Variants in CTNNA3 observed in about 807,000 individuals in gnomAD.
CTNNA3 encodes catenin alpha-3.
In CTNNA3, 76 loss-of-function variants were observed where a neutral mutation model predicts 95.7. The ratio of observed to expected loss-of-function variants is 0.79; its 90% CI spans 0.66 to 0.96. The LOEUF (loss-of-function observed/expected upper bound fraction) is 0.96. CTNNA3 is among the 40% of genes least tolerant of loss of function. CTNNA3 has a pLI of 0.00. For synonymous variants in CTNNA3, 431 were observed against 374.4 expected (o/e 1.15, Z -1.74); for missense variants, 1,191 against 1,089.8 (o/e 1.09, Z -1.31).
chr10:66,197,200 A>G (rs981628122), intron 13 of CTNNA3, among the ~76,000 whole-genome samples: 6 of 140,428 alleles, frequency 4.3e-5, no homozygotes, highest in African/African-American at 1.7e-4. Context: ...AGAATTTCTA[A>G]ATATTGGCTT....
At position 66,554,068 on chromosome 10, in the gene CTNNA3, AT is replaced by A. The variant is rs1451333688; in HGVS notation, c.1375-33296del. ...TTCTTCTGTCTGAAAACACTTCACAATTTTCCTTTGTGCTTGTCTCCTGGTG... is the reference window on the plus strand; with the variant it reads ...TTCTTCTGTCTGAAAACACTTCACAATTTCCTTTGTGCTTGTCTCCTGGTG... On this transcript the variant is annotated intron_variant, in intron 10 of 17. Coordinates refer to ENST00000433211, the MANE Select transcript of CTNNA3 (RefSeq NM_013266.4). Among the ~76,000 whole-genome samples the A allele has an allele frequency of 4.0e-5, 6 of 150,030 alleles. 1 individual carries two copies. The highest frequency in any genetic ancestry group is 8.9e-5 in the Non-Finnish European group (6 of 67,314).
chr10:66,424,022 A>C (rs1007314276), intron 11 of CTNNA3, among the ~76,000 whole-genome samples: 15 of 152,070 alleles, frequency 9.9e-5, no homozygotes, highest in African/African-American at 3.4e-4. Context: ...TGTCTATTTT[A>C]TTAAGTATAT....
intron 3 of CTNNA3, among the ~76,000 whole-genome samples, chr10:67,595,441 G>A (rs1437729265): frequency 6.6e-6 from 1 of 152,138 alleles, no homozygotes; most frequent in African/African-American, 2.4e-5. Flanking sequence ...TCATTGTATG[G>A]TTTTGAGAGA....
chr10:66,922,105 T>A (rs1334163975), intron 7 of CTNNA3, among the ~76,000 whole-genome samples: 2 of 152,224 alleles, frequency 1.3e-5, no homozygotes, highest in Non-Finnish European at 2.9e-5. Context: ...CTATTTGAAG[T>A]CCTATAAGCA....
At chr10:66,596,620 C>T (rs949585604) in intron 10 of CTNNA3, among the ~76,000 whole-genome samples, 3 of 152,016 alleles carry the variant, frequency 2.0e-5, no homozygotes, top group African/African-American at 7.2e-5. Flanking sequence ...AGAGTGGGTG[C>T]CTCTACATAC....
At chr10:66,701,883 A>T (rs1288194278) in intron 9 of CTNNA3, among the ~76,000 whole-genome samples, 1 of 152,164 alleles carries the variant, frequency 6.6e-6, no homozygotes, top group African/African-American at 2.4e-5. Context: ...TATGTTTTAT[A>T]TGCACCTTAT....
chr10:66,934,789 C>A (rs1050410528), intron 7 of CTNNA3, among the ~76,000 whole-genome samples: 1 of 152,086 alleles, frequency 6.6e-6, no homozygotes, highest in Non-Finnish European at 1.5e-5. Context: ...AATAGTAAGG[C>A]AAATACTACA....
chr10:66,715,922 AT>A (rs1004140096), intron 9 of CTNNA3, among the ~76,000 whole-genome samples: 20 of 151,040 alleles, frequency 1.3e-4, no homozygotes, highest in East Asian at 2.1e-4. Flanking sequence ...AAATAAAATT[AT>A]TTTTTTCATA....
At chr10:66,117,728 T>C (rs2082399562) in intron 13 of CTNNA3, among the ~76,000 whole-genome samples, 1 of 152,362 alleles carries the variant, frequency 6.6e-6, no homozygotes, top group Non-Finnish European at 1.5e-5. Context: ...TTATGAAATA[T>C]CAAAGCAAGT....
intron 11 of CTNNA3, among the ~76,000 whole-genome samples, chr10:66,483,007 A>G (rs1839594418): frequency 6.6e-6 from 1 of 152,162 alleles, no homozygotes; most frequent in Admixed American, 6.6e-5. Context: ...GGAGCACAGG[A>G]GAGGTTGGAG....
At chr10:66,451,451 AAAAC>A (rs1225547645) in intron 11 of CTNNA3, among the ~76,000 whole-genome samples, 1 of 152,130 alleles carries the variant, frequency 6.6e-6, no homozygotes, top group Non-Finnish European at 1.5e-5. Flanking sequence ...AGAAGGCAAG[AAAAC>A]AAGTTAGGAA....
intron 7 of CTNNA3, among the ~76,000 whole-genome samples, chr10:66,904,403 C>T (rs944078149): frequency 2.0e-5 from 3 of 152,122 alleles, no homozygotes; most frequent in African/African-American, 7.2e-5. Context: ...AGACCTAAAA[C>T]CCCAAAAACC....
intron 15 of CTNNA3, among the ~76,000 whole-genome samples, chr10:66,043,104 C>A (rs1589284841): frequency 2.2e-5 from 2 of 92,320 alleles, no homozygotes; most frequent in African/African-American, 4.4e-5. Flanking sequence ...CCATGGAAAG[C>A]AGTAAACATA....
chr10:67,755,802 CAAAAA>C (rs201336788), intron 1 of CTNNA3, among the ~76,000 whole-genome samples: 2 of 58,774 alleles, frequency 3.4e-5, no homozygotes, highest in African/African-American at 1.2e-4. Flanking sequence ...GTCTCTGCCT[CAAAAA>C]AAAAAAAAAA....
At chr10:67,374,762 C>T (rs957431983) in intron 5 of CTNNA3, among the ~76,000 whole-genome samples, 2 of 152,148 alleles carry the variant, frequency 1.3e-5, no homozygotes, top group East Asian at 3.9e-4. Flanking sequence ...GGAAGAGGGC[C>T]TCAGGGAGAA....
At chr10:67,210,794 A>G (rs1450384661) in intron 6 of CTNNA3, among the ~76,000 whole-genome samples, 1 of 152,218 alleles carries the variant, frequency 6.6e-6, no homozygotes. Flanking sequence ...GAGGTCCTCT[A>G]TAAATTTCAA....
At chr10:67,075,176 A>G (rs569046688) in intron 7 of CTNNA3, among the ~76,000 whole-genome samples, 1 of 152,008 alleles carries the variant, frequency 6.6e-6, no homozygotes, top group Admixed American at 6.5e-5. Flanking sequence ...TTCTGCACAC[A>G]CACACACACA....
chr10:66,638,757 T>G (rs974630422), intron 9 of CTNNA3, among the ~76,000 whole-genome samples: 1 of 150,588 alleles, frequency 6.6e-6, no homozygotes, highest in Non-Finnish European at 1.5e-5. Flanking sequence ...CTTTGTTGAT[T>G]TCTGGGCTCT....
chr10:67,641,277 C>G (rs1378255466), intron 2 of CTNNA3, among the ~76,000 whole-genome samples: 1 of 152,102 alleles, frequency 6.6e-6, no homozygotes, highest in African/African-American at 2.4e-5. Flanking sequence ...CACTGGCCAT[C>G]AGAGAAATGC....
Sources: gnomAD v4.1 joint callset for allele counts (sites outside exome capture counted in the v4.1 genomes callset) on GRCh38, gnomAD v4.1.1 for gene constraint, MANE v1.5 for transcripts, NCBI Gene and HGNC (gene_info 2026-07-23, HGNC 2026-07-21) for gene names.